PTAR1: variants seen among roughly 807,000 people sequenced by gnomAD.
PTAR1 encodes the protein protein prenyltransferase alpha subunit repeat-containing protein 1.
A neutral mutation model predicts 45.5 loss-of-function variants in PTAR1; 17 were observed. The observed-to-expected ratio is 0.37, with a 90% CI of 0.26 to 0.56. The LOEUF is 0.56. Ranked by LOEUF, PTAR1 falls within the 20% of genes least tolerant of loss-of-function variation. The pLI is 0.77. For missense variants in PTAR1, 391 were observed against 476.3 expected (o/e 0.82, Z 1.67); for synonymous variants, 169 against 171.3 (o/e 0.99, Z 0.11).
rs1826866860 is a variant in PTAR1, at chr9:69,757,959, T to C, written c.86+1894A>G. On this transcript the variant is annotated intron_variant, in intron 1 of 7. Coordinates refer to ENST00000340434, the MANE Select transcript of PTAR1 (RefSeq NM_001099666.2). ...GTCTTAAACAATGAGTTAAGCTATT[T>C]AAATGTTTAAGACCTATATTACAAA... The C allele has an allele frequency of 2.0e-5, 3 of 152,224 alleles. No homozygotes were observed. In the South Asian group the frequency reaches 6.2e-4, roughly 32 times the overall value. 9.4% of individuals were successfully genotyped at this position (152,224 alleles called of 1,614,324 possible). A position where few individuals can be genotyped will look rare whatever the true frequency, so the allele number is the denominator to read the frequency against.
chr9:69,727,026 T>TATACAC (rs144806019), intron 5 of PTAR1, among the ~76,000 whole-genome samples: 2 of 147,104 alleles, frequency 1.4e-5, no homozygotes, highest in East Asian at 2.0e-4. Flanking sequence ...ATTGTGTATA[T>TATACAC]ACACACACAC....
chr9:69,725,451 G>A (rs1246951969), intron 5 of PTAR1, among the ~76,000 whole-genome samples: 7 of 151,910 alleles, frequency 4.6e-5, no homozygotes, highest in African/African-American at 1.4e-4. Flanking sequence ...TTTGCAGGGC[G>A]TGGTGGTGCA....
intron 5 of PTAR1, among the ~76,000 whole-genome samples, chr9:69,731,312 A>C (rs1360363365): frequency 1.3e-5 from 2 of 152,112 alleles, no homozygotes; most frequent in African/African-American, 4.8e-5. Flanking sequence ...TCAATCTTCA[A>C]CTTGACCTCT....
At chr9:69,757,564 A>T (rs1431936530) in intron 1 of PTAR1, 1 of 152,218 alleles carries the variant, frequency 6.6e-6, no homozygotes, top group Non-Finnish European at 1.5e-5. Context: ...TCACCACTGC[A>T]TCCTCAACTC....
At chr9:69,737,681 C>A (rs1441360618) in intron 3 of PTAR1, among the ~76,000 whole-genome samples, 1 of 152,178 alleles carries the variant, frequency 6.6e-6, no homozygotes, top group Non-Finnish European at 1.5e-5. Flanking sequence ...TCATTAAAAA[C>A]TACCATGTAT....
intron 3 of PTAR1, among the ~76,000 whole-genome samples, chr9:69,739,748 GTCTT>G (rs963476646): frequency 9.2e-5 from 14 of 152,132 alleles, no homozygotes; most frequent in Admixed American, 6.6e-4. Flanking sequence ...ATGATTTGAT[GTCTT>G]TCTATGTCAA....
intron 5 of PTAR1, among the ~76,000 whole-genome samples, chr9:69,728,956 T>C (rs917236367): frequency 2.6e-5 from 4 of 152,216 alleles, no homozygotes; most frequent in African/African-American, 9.6e-5. Context: ...GCATTTACCA[T>C]GTGCCAAGCA....
intron 1 of PTAR1, chr9:69,758,184 ACT>A (rs1475910470): frequency 6.6e-6 from 1 of 152,216 alleles, no homozygotes; most frequent in African/African-American, 2.4e-5. Flanking sequence ...TCCAAACTGC[ACT>A]GTGTTAAAAA....
intron 5 of PTAR1, among the ~76,000 whole-genome samples, chr9:69,730,745 G>A (rs920599541): frequency 3.3e-5 from 5 of 151,608 alleles, no homozygotes; most frequent in East Asian, 3.9e-4. Context: ...GTTTTACTGC[G>A]TATACAGGAC....
rs1824638255 is a variant in PTAR1 at position 69,714,209 on chromosome 9, T to G, written c.*4133A>C. On this transcript the variant is annotated 3_prime_UTR_variant, in exon 8 of 8. Coordinates refer to ENST00000340434, the MANE Select transcript of PTAR1 (RefSeq NM_001099666.2). ...GTTTGCACAGTTCTATTTGAGAAAT[T>G]TATTCAAGACAAAAGGTTCAGTTGT... is the stretch of plus-strand genomic sequence containing the variant. 1 of 152,102 alleles carries G rather than the reference T, an allele frequency of 6.6e-6. No individual in the cohort carries two copies. The highest frequency in any genetic ancestry group is 1.5e-5 in the Non-Finnish European group (1 of 67,996). The allele number at this position is 152,102 out of a possible 1,614,324, so 9.4% of individuals were successfully genotyped here.
intron 1 of PTAR1, chr9:69,757,282 A>C (rs1465036080): frequency 6.6e-6 from 1 of 152,228 alleles, no homozygotes; most frequent in Non-Finnish European, 1.5e-5. Context: ...GTTTTAGAGA[A>C]TCCAATATGA....
In PTAR1 at chr9:69,752,609, T is replaced by C. The variant is rs550842125; in HGVS notation, c.87-1659A>G. Among the ~76,000 whole-genome samples the C allele has an allele frequency of 4.6e-5, 7 of 152,198 alleles. No homozygotes were observed. The South Asian group carries it at 1.5e-3, about 32-fold the overall frequency. On this transcript the variant is annotated intron_variant, in intron 1 of 7. Coordinates refer to ENST00000340434, the MANE Select transcript of PTAR1 (RefSeq NM_001099666.2). The stretch of plus-strand genomic sequence containing the variant: ...TGATTAACTACAATGTACTGGGTGC[T>C]TTCTTAGGTTCTAAAATTCAAAAAG...
intron 1 of PTAR1, chr9:69,757,109 CACA>C (rs1222112179): frequency 2.0e-5 from 3 of 152,206 alleles, no homozygotes; most frequent in East Asian, 1.9e-4. Context: ...AGATGGTACC[CACA>C]ACACTTCATA....
intron 1 of PTAR1, chr9:69,758,673 C>T (rs1254153553): frequency 2.2e-5 from 9 of 411,572 alleles, no homozygotes; most frequent in Admixed American, 1.9e-4. Flanking sequence ...GCAAAACATC[C>T]AACGGCTTCT....
At chr9:69,738,465 T>C (rs1312573552) in intron 3 of PTAR1, among the ~76,000 whole-genome samples, 2 of 152,192 alleles carry the variant, frequency 1.3e-5, no homozygotes, top group Non-Finnish European at 2.9e-5. Context: ...TTGTCTATTG[T>C]CTCTTACTTA....
chr9:69,744,571 A>G (rs2134146466), intron 2 of PTAR1, among the ~76,000 whole-genome samples: 1 of 152,156 alleles, frequency 6.6e-6, no homozygotes, highest in South Asian at 2.1e-4. Flanking sequence ...ATTTTAGTAG[A>G]GACGGTGTTT....
At chr9:69,739,129 A>G (rs1253489805) in intron 3 of PTAR1, among the ~76,000 whole-genome samples, 1 of 152,142 alleles carries the variant, frequency 6.6e-6, no homozygotes, top group Non-Finnish European at 1.5e-5. Context: ...TTACAGATGA[A>G]GAAATTGAAT....
intron 1 of PTAR1, chr9:69,758,033 G>A (rs1826870323): frequency 6.6e-6 from 1 of 151,996 alleles, no homozygotes; most frequent in Admixed American, 6.6e-5. Context: ...TTTAAATCTC[G>A]AATGACCCAA....
chr9:69,742,771 A>G (rs892877539), intron 2 of PTAR1, among the ~76,000 whole-genome samples: 9 of 152,094 alleles, frequency 5.9e-5, no homozygotes, highest in African/African-American at 2.2e-4. Flanking sequence ...AAAAAATTAC[A>G]ATTCATTTGT....
Sources: gnomAD v4.1 joint callset for allele counts (sites outside exome capture counted in the v4.1 genomes callset) on GRCh38, gnomAD v4.1.1 for gene constraint, MANE v1.5 for transcripts, NCBI Gene and HGNC (gene_info 2026-07-23, HGNC 2026-07-21) for gene names.